SHISA7: variants seen among roughly 807,000 people sequenced by gnomAD.
The protein encoded by SHISA7 is protein shisa-7.
In SHISA7, 6 loss-of-function variants were observed where a neutral mutation model predicts 23.9. That is an observed-to-expected ratio of 0.25 (90% CI 0.14 to 0.50). SHISA7 has a LOEUF of 0.50. SHISA7 is among the 20% of genes least tolerant of loss of function. The pLI is 0.98. For synonymous variants in SHISA7, 386 were observed against 398.3 expected (o/e 0.97, Z 0.37); for missense variants, 671 against 801.1 (o/e 0.84, Z 1.96).
In SHISA7 at chr19:55,440,696, G is replaced by A; in HGVS notation, c.741C>T (p.Ser247=). 1 of 1,249,590 alleles carries A rather than the reference G, an allele frequency of 8.0e-7. No individual in the cohort carries two copies. Among genetic ancestry groups the A allele is most frequent in the African/African-American group, 1.5e-5 (1 of 64,632 alleles). The allele number at this position is 1,249,590 out of a possible 1,614,324, so 77.4% of individuals were successfully genotyped here. The change falls in exon 2 of 4, where the codon TCC becomes TCT. Residue 247 remains serine, a synonymous_variant. Transcript: ENST00000376325. ...GTRPDRARSS[S]LTPGIGGPDS... is the part of the protein sequence containing the mutation. ...CGGGACCGCCGATCCCCGGGGTCAG[G>A]GAGCTGCTTCGGGCCCGGTCCGGGC... is the stretch of plus-strand genomic sequence containing the variant.
rs1253210158 is a variant in SHISA7 at position 55,437,702 on chromosome 19, G to A, written c.879C>T (p.Ser293=). The stretch of plus-strand genomic sequence containing the variant: ...AGAGGTTGTGGAAGGACCGAGAGCA[G>A]GACAGCGTGGAGTAGTGCAAGGAGG... ...PSPSLHYSTL[S]CSRSFHNLSH... is the part of the protein sequence containing the mutation. Residue 293 remains serine, a synonymous_variant, in exon 3 of 4, where the codon TCC becomes TCT. Transcript: ENST00000376325. 6.4e-7 allele frequency: 1 copy of A among 1,551,486 alleles called. No homozygotes were observed. The highest frequency in any genetic ancestry group is 1.2e-5 in the South Asian group (1 of 84,064).
At position 55,437,527 on chromosome 19, in the gene SHISA7, C is replaced by T. The variant is rs563223952; in HGVS notation, c.976+78G>A. On this transcript the variant is annotated intron_variant, in intron 3 of 3. Transcript: ENST00000376325. Reference sequence around the variant, plus strand: ...CTAAACCATTGGAAGGCTCTTGGGCCACTGTCCACGGTCCTGAACCCAGGC... The same window carrying T: ...CTAAACCATTGGAAGGCTCTTGGGCTACTGTCCACGGTCCTGAACCCAGGC... The T allele has an allele frequency of 7.6e-6, 11 of 1,456,822 alleles. No individual in the cohort carries two copies. In the African/African-American group the frequency reaches 1.4e-4, roughly 19 times the overall value. 90.2% of individuals were successfully genotyped at this position (1,456,822 alleles called of 1,614,324 possible).
chr19:55,434,540 G>A (rs1985327598), intron 3 of SHISA7, among the ~76,000 whole-genome samples: 1 of 125,210 alleles, frequency 8.0e-6, no homozygotes, highest in Non-Finnish European at 1.7e-5. Flanking sequence ...GTGTGTGTGT[G>A]GTTGTGTGTG....
rs1985204875 is a variant in SHISA7 at position 55,431,445 on chromosome 19, G to T, written c.*1711C>A. 1 of 152,156 alleles carries T rather than the reference G, an allele frequency of 6.6e-6. No homozygotes were observed. The highest frequency in any genetic ancestry group is 1.5e-5 in the Non-Finnish European group (1 of 68,030). The allele number at this position is 152,156 out of a possible 1,614,324, so 9.4% of individuals were successfully genotyped here. A position where few individuals can be genotyped will look rare whatever the true frequency, so the allele number is the denominator to read the frequency against. ...GCTCCTGAAAGATGATGACACCATGGTTGTGAGGAATCATGGAGGATGGTG... is the reference window on the plus strand; with the variant it reads ...GCTCCTGAAAGATGATGACACCATGTTTGTGAGGAATCATGGAGGATGGTG... On this transcript the variant is annotated 3_prime_UTR_variant, in exon 4 of 4. Coordinates refer to ENST00000376325, the MANE Select transcript of SHISA7 (RefSeq NM_001145176.2).
Position 55,433,435 on chromosome 19 carries a change from G to C in SHISA7, c.1338C>G (p.Ser446Arg). The part of the protein sequence containing the change: ...ALPPDPTARA[S>R]LAASHSNLLL... ...GCAGGTTGGAGTGCGAGGCGGCCAG[G>C]CTGGCCCGGGCGGTGGGGTCGGGGG... Residue 446 changes from serine to arginine, a missense_variant, in exon 4 of 4, where the codon AGC becomes AGG. Transcript: ENST00000376325. The surrounding 1 kb of genome is among the most constrained non-coding windows in gnomAD (Gnocchi z 8.4). 7.5e-7 allele frequency: 1 copy of C among 1,331,096 alleles called. No homozygotes were observed. The highest frequency in any genetic ancestry group is 9.5e-7 in the Non-Finnish European group (1 of 1,048,972). The allele number at this position is 1,331,096 out of a possible 1,614,324, so 82.5% of individuals were successfully genotyped here. A position where few individuals can be genotyped will look rare whatever the true frequency, so the allele number is the denominator to read the frequency against.
At chr19:55,441,669 A>T (rs1340363435) in intron 1 of SHISA7, among the ~76,000 whole-genome samples, 2 of 152,222 alleles carry the variant, frequency 1.3e-5, no homozygotes, top group African/African-American at 4.8e-5. Flanking sequence ...TACACTGCAC[A>T]TGCTTACGGA....
At chr19:55,435,637 G>C (rs1361029644) in intron 3 of SHISA7, among the ~76,000 whole-genome samples, 1 of 148,716 alleles carries the variant, frequency 6.7e-6, no homozygotes, top group Non-Finnish European at 1.5e-5. Context: ...GGTGGCTCAT[G>C]CTTATAGTCC....
Position 55,433,551 on chromosome 19 carries a change from C to G in SHISA7, c.1222G>C (p.Val408Leu). The G allele has an allele frequency of 6.7e-7, 1 of 1,494,144 alleles. No homozygotes were observed. Among genetic ancestry groups the G allele is most frequent in the Non-Finnish European group, 8.9e-7 (1 of 1,128,282 alleles). 92.6% of individuals were successfully genotyped at this position (1,494,144 alleles called of 1,614,324 possible). Residue 408 changes from valine to leucine, a missense_variant, in exon 4 of 4, where the codon GTG (valine) becomes CTG (leucine). Val to Leu is a conservative substitution (Grantham distance 32, BLOSUM62 1). This residue lies in a region of SHISA7 where 457 missense variants were observed against 488.3 expected (regional missense o/e 0.94). Coordinates refer to ENST00000376325, the MANE Select transcript of SHISA7 (RefSeq NM_001145176.2). This position sits in a 1 kb window ranked among gnomAD's most constrained non-coding sequence, Gnocchi z 8.4. ...GACAGCAGCAGGTGCTCCTGCGACACCAGGCGCGCGCGCGGCAGCGTGAAC... is the reference window on the plus strand; with the variant it reads ...GACAGCAGCAGGTGCTCCTGCGACAGCAGGCGCGCGCGCGGCAGCGTGAAC... ...YEFTLPRARL[V>L]SQEHLLLSSP...
rs1985245899 is a variant in SHISA7, at chr19:55,432,965, G to A, written c.*191C>T. On this transcript the variant is annotated 3_prime_UTR_variant, in exon 4 of 4. Transcript: ENST00000376325. The surrounding 1 kb of genome is among the most constrained non-coding windows in gnomAD (Gnocchi z 4.6). ...CTCTGGGATGACATCATGGGAAGGA[G>A]GCCTTGGCTCAAGCAGTGAAGTAAT... 1.5e-6 allele frequency: 1 copy of A among 667,958 alleles called. No homozygotes were observed. Among genetic ancestry groups the A allele is most frequent in the East Asian group, 3.5e-5 (1 of 28,880 alleles). The allele number at this position is 667,958 out of a possible 1,614,324, so 41.4% of individuals were successfully genotyped here. A position where few individuals can be genotyped will look rare whatever the true frequency, so the allele number is the denominator to read the frequency against.
intron 2 of SHISA7, chr19:55,438,599 AGGTGCAGGTAGCTGT>A: frequency 7.7e-7 from 1 of 1,304,258 alleles, no homozygotes; most frequent in African/African-American, 1.5e-5. Flanking sequence ...GTTGACGTTG[AGGTGCAGGTAGCTGT>A]GGTGCAGATT....
At chr19:55,440,362 C>T (rs1000661259) in intron 2 of SHISA7, among the ~76,000 whole-genome samples, 1 of 152,256 alleles carries the variant, frequency 6.6e-6, no homozygotes, top group African/African-American at 2.4e-5. Flanking sequence ...TCTAAACCTA[C>T]ATCACCAAGG....
In SHISA7 at chr19:55,433,511, A is replaced by G. The variant is rs1419831261; in HGVS notation, c.1262T>C (p.Leu421Pro). Reference protein sequence around the residue: ...EHLLLSSPEALRQSREHLLSP... With the variant: ...EHLLLSSPEAPRQSREHLLSP... ...CAGCAGGTGCTCGCGACTCTGGCGC[A>G]GGGCCTCGGGCGAGGACAGCAGCAG... Residue 421 changes from leucine to proline, a missense_variant, in exon 4 of 4, where the codon CTG becomes CCG. Leu to Pro is a moderately conservative substitution (Grantham distance 98, BLOSUM62 -3). Coordinates refer to ENST00000376325, the MANE Select transcript of SHISA7 (RefSeq NM_001145176.2). This position sits in a 1 kb window ranked among gnomAD's most constrained non-coding sequence, Gnocchi z 8.4. The G allele has an allele frequency of 4.8e-5, 71 of 1,467,102 alleles. No individual in the cohort carries two copies. Among genetic ancestry groups the G allele is most frequent in the Non-Finnish European group, 6.3e-5 (70 of 1,116,122 alleles). 90.9% of individuals were successfully genotyped at this position (1,467,102 alleles called of 1,614,324 possible).
chr19:55,440,906 T>C (rs1011997984), intron 1 of SHISA7, 141 bp from the exon 2 acceptor site: 6 of 785,420 alleles, frequency 7.6e-6, no homozygotes, highest in Non-Finnish European at 1.0e-5. Flanking sequence ...CACGCCCCTT[T>C]CTCGTTGGCC....
intron 1 of SHISA7, 32 bp from the exon 2 acceptor site, chr19:55,440,797 G>A: frequency 1.6e-6 from 2 of 1,236,822 alleles, no homozygotes; most frequent in Non-Finnish European, 2.0e-6. Flanking sequence ...TCAAAGGCCT[G>A]GGGGCTGAGG....
At position 55,433,715 on chromosome 19, in the gene SHISA7, C is replaced by T. The variant is rs1375209725; in HGVS notation, c.1058G>A (p.Arg353Gln). The T allele has an allele frequency of 2.0e-6, 3 of 1,476,796 alleles. No individual in the cohort carries two copies. Among genetic ancestry groups the T allele is most frequent in the East Asian group, 2.9e-5 (1 of 33,908 alleles). The allele number at this position is 1,476,796 out of a possible 1,614,324, so 91.5% of individuals were successfully genotyped here. A position where few individuals can be genotyped will look rare whatever the true frequency, so the allele number is the denominator to read the frequency against. ...PRGTLPLHAL[R>Q]RPGTGGGYRM... is the part of the protein sequence containing the mutation. Reference sequence around the variant, plus strand: ...ATAGCCGCCCCCCGTGCCCGGCCGCCGCAGCGCGTGCAGGGGCAGCGTGCC... The same window carrying T: ...ATAGCCGCCCCCCGTGCCCGGCCGCTGCAGCGCGTGCAGGGGCAGCGTGCC... Residue 353 changes from arginine (R) to glutamine (Q), a missense_variant, in exon 4 of 4, where the codon CGG (arginine) becomes CAG (glutamine). Around this residue, in one of 5 missense-constraint regions of SHISA7, gnomAD observed 457 missense variants for 488.3 expected, o/e 0.94. Transcript: ENST00000376325. This position sits in a 1 kb window ranked among gnomAD's most constrained non-coding sequence, Gnocchi z 8.4.
Position 55,442,480 on chromosome 19 carries a change from G to A in SHISA7, c.384C>T (p.Cys128=). ...CCCAGCGCGGCGTGTCGTAGTTGGA[G>A]CAGGAGGCCTGCGCCAGGCGCATGT... ...HRHMRLAQAS[C]SNYDTPRWAT... The change falls in exon 1 of 4, where the codon TGC becomes TGT. Residue 128 remains cysteine (C), a synonymous_variant. Coordinates refer to ENST00000376325, the MANE Select transcript of SHISA7 (RefSeq NM_001145176.2). The A allele has an allele frequency of 1.4e-6, 2 of 1,465,644 alleles. No individual in the cohort carries two copies. Among genetic ancestry groups the A allele is most frequent in the Non-Finnish European group, 1.8e-6 (2 of 1,107,988 alleles). 90.8% of individuals were successfully genotyped at this position (1,465,644 alleles called of 1,614,324 possible). A position where few individuals can be genotyped will look rare whatever the true frequency, so the allele number is the denominator to read the frequency against.
In SHISA7 at chr19:55,433,817, G is replaced by A. The variant is rs1387881219; in HGVS notation, c.977-21C>T. On this transcript the variant is annotated intron_variant, in intron 3 of 3. Coordinates refer to ENST00000376325, the MANE Select transcript of SHISA7 (RefSeq NM_001145176.2). The surrounding 1 kb of genome is among the most constrained non-coding windows in gnomAD (Gnocchi z 8.4). ...CTCGGCTGCGGGGAGAGGGGGAAAA[G>A]CCACAGCCGTGGGTCCCCTGCGCAT... 2.2e-6 allele frequency: 3 copies of A among 1,377,558 alleles called. No individual in the cohort carries two copies. Among genetic ancestry groups the A allele is most frequent in the East Asian group, 6.2e-5 (2 of 32,478 alleles). The allele number at this position is 1,377,558 out of a possible 1,614,324, so 85.3% of individuals were successfully genotyped here.
At chr19:55,435,017 TGTGTGTGG>T (rs1484571833) in intron 3 of SHISA7, among the ~76,000 whole-genome samples, 1 of 119,710 alleles carries the variant, frequency 8.4e-6, no homozygotes, top group African/African-American at 3.3e-5. Context: ...ATATGTGGTG[TGTGTGTGG>T]GTGTGTGGCT....
Position 55,429,626 on chromosome 19 carries a change from GC to G in SHISA7, c.*3529del, listed in dbSNP as rs34869149. On this transcript the variant is annotated 3_prime_UTR_variant, in exon 4 of 4. Transcript: ENST00000376325. ...GGACGGCCCAGGGGAGGAAGAAGAG[GC>G]CCCCCCCACCTCGCCCTAGGGGCTG... The G allele has an allele frequency of 9.9e-5, 15 of 151,750 alleles. No individual in the cohort carries two copies. Among genetic ancestry groups the G allele is most frequent in the African/African-American group, 1.5e-4 (6 of 41,370 alleles). 9.4% of individuals were successfully genotyped at this position (151,750 alleles called of 1,614,324 possible).
Sources: allele counts gnomAD v4.1 joint callset (sites outside exome capture counted in the v4.1 genomes callset), GRCh38; gene constraint gnomAD v4.1.1; regional missense constraint gnomAD v4.1.1; non-coding constraint Gnocchi (gnomAD v3.1); transcripts MANE v1.5; gene names NCBI Gene and HGNC (gene_info 2026-07-23, HGNC 2026-07-21).